The following LRRC47 variants were observed in gnomAD, a reference collection of about 807,000 sequenced individuals.
The protein encoded by LRRC47 is leucine-rich repeat-containing protein 47.
LRRC47 carries 31 observed loss-of-function variants against 40.9 expected under a neutral mutation model. That is an observed-to-expected ratio of 0.76 (90% confidence interval 0.57 to 1.02). The LOEUF (loss-of-function observed/expected upper bound fraction) is 1.02, where lower values mean the gene tolerates loss of function less well. Ranked by LOEUF, LRRC47 falls within the 50% of genes least tolerant of loss-of-function variation. The probability of loss-of-function intolerance (pLI) is 0.00; values close to 1 mark genes in which losing one functional copy is unlikely to be tolerated. For synonymous variants in LRRC47, 427 were observed against 371.9 expected, an observed-to-expected ratio of 1.15 and a Z score of -1.70; for missense variants, 726 against 796.1, an observed-to-expected ratio of 0.91 and a Z score of 1.06.
chr1:3,789,991 A>G (rs1175421572), intron 1 of LRRC47, among the ~76,000 whole-genome samples: 1 of 152,214 alleles, frequency 6.6e-6, no homozygotes, highest in East Asian at 1.9e-4. Context: ...GATGAGTTAC[A>G]CAGGGGGTGG....
At position 3,796,130 on chromosome 1, in the gene LRRC47, G is replaced by A. The variant is rs772391933; in HGVS notation, c.347C>T (p.Pro116Leu). The A allele has an allele frequency of 2.1e-6, 3 of 1,432,098 alleles. No homozygotes were observed. The highest frequency in any genetic ancestry group is 2.9e-5 in the Admixed American group (1 of 33,934). The allele number at this position is 1,432,098 out of a possible 1,614,324, so 88.7% of individuals were successfully genotyped here. The change falls in exon 1 of 7, where the codon CCG (proline) becomes CTG (leucine). Residue 116 changes from proline (P) to leucine (L), a missense_variant. Coordinates refer to ENST00000378251, the MANE Select transcript of LRRC47 (RefSeq NM_020710.3). ...CTCGGCGGGGCCCAGGCCTTGGCCC[G>A]GCGGCAGCGCCTCCAGCGCGTTGCC... ...LSGNALEALP[P>L]GQGLGPAEPP...
At chr1:3,782,903 G>A in intron 4 of LRRC47, 140 bp from the exon 5 acceptor site, 1 of 653,480 alleles carries the variant, frequency 1.5e-6, no homozygotes, top group South Asian at 1.7e-5. Flanking sequence ...GCTGGGGTGT[G>A]CTGTGCCAAT....
rs1643494012 is a variant in LRRC47 at position 3,779,071 on chromosome 1, A to G, written c.*2017T>C. ...TCATCTGACACACCCACGGCAGTCC[A>G]GCTGGCACTGAGTGTGTGGGCCTCG... On this transcript the variant is annotated 3_prime_UTR_variant, in exon 7 of 7. Coordinates refer to ENST00000378251, the MANE Select transcript of LRRC47 (RefSeq NM_020710.3). The G allele has an allele frequency of 6.6e-6, 1 of 152,374 alleles. No homozygotes were observed. Among genetic ancestry groups the G allele is most frequent in the South Asian group, 2.1e-4 (1 of 4,832 alleles). The allele number at this position is 152,374 out of a possible 1,614,324, so 9.4% of individuals were successfully genotyped here.
At position 3,778,868 on chromosome 1, in the gene LRRC47, CCT is replaced by C. The variant is rs1643492274; in HGVS notation, c.*2218_*2219del. ...CCTCTGCCATGGCAGCCCCAAATCA[CCT>C]CTCAGAGCAACTGTCTGGGGTCCCC... On this transcript the variant is annotated 3_prime_UTR_variant, in exon 7 of 7. Transcript: ENST00000378251. The C allele has an allele frequency of 6.6e-6, 1 of 152,284 alleles. No homozygotes were observed. The highest frequency in any genetic ancestry group is 1.5e-5 in the Non-Finnish European group (1 of 68,072). 9.4% of individuals were successfully genotyped at this position (152,284 alleles called of 1,614,324 possible).
rs903273718 is a variant in LRRC47, at chr1:3,792,459, GCA to G, written c.615+3401_615+3402del. ...AGGCAGGTGCTACAGAGAGCTGGACGCACACTTTTTTTTTTTTTTGAGACGCA... is the reference window on the plus strand; with the variant it reads ...AGGCAGGTGCTACAGAGAGCTGGACGCACTTTTTTTTTTTTTTGAGACGCA... On this transcript the variant is annotated intron_variant, in intron 1 of 6. Coordinates refer to ENST00000378251, the MANE Select transcript of LRRC47 (RefSeq NM_020710.3). 3.0e-4 allele frequency among the ~76,000 whole-genome samples: 34 copies of G among 114,272 alleles called. 1 individual carries two copies. The East Asian group carries it at 6.3e-3, about 21-fold the overall frequency. 75.0% of individuals were successfully genotyped at this position (114,272 alleles called of 152,430 possible). A position where few individuals can be genotyped will look rare whatever the true frequency, so the allele number is the denominator to read the frequency against.
chr1:3,794,176 C>T (rs1370554974), intron 1 of LRRC47, among the ~76,000 whole-genome samples: 10 of 152,064 alleles, frequency 6.6e-5, no homozygotes, highest in Admixed American at 6.5e-4. Flanking sequence ...GCCTGGGAGA[C>T]AGAGCGAGAC....
At chr1:3,787,830 C>T (rs980987892) in intron 1 of LRRC47, among the ~76,000 whole-genome samples, 7 of 152,090 alleles carry the variant, frequency 4.6e-5, no homozygotes, top group South Asian at 2.1e-4. Context: ...CAAAGTTGCC[C>T]GCAGTGACAC....
In LRRC47 at chr1:3,780,895, G is replaced by C. The variant is rs1302118209; in HGVS notation, c.*193C>G. On this transcript the variant is annotated 3_prime_UTR_variant, in exon 7 of 7. Coordinates refer to ENST00000378251, the MANE Select transcript of LRRC47 (RefSeq NM_020710.3). Reference sequence around the variant, plus strand: ...GGAGGCTGAGGCAGGAGAATCGCTTGAACCCAGGAGACACAGGCTGCAGTG... The same window carrying C: ...GGAGGCTGAGGCAGGAGAATCGCTTCAACCCAGGAGACACAGGCTGCAGTG... The C allele has an allele frequency of 2.6e-6, 2 of 771,962 alleles. No individual in the cohort carries two copies. Among genetic ancestry groups the C allele is most frequent in the Non-Finnish European group, 4.0e-6 (2 of 498,116 alleles). 47.8% of individuals were successfully genotyped at this position (771,962 alleles called of 1,614,324 possible).
intron 1 of LRRC47, among the ~76,000 whole-genome samples, chr1:3,795,033 G>A (rs1453755569): frequency 7.9e-6 from 1 of 126,598 alleles, no homozygotes; most frequent in Admixed American, 9.3e-5. Context: ...CAGCCTGGGT[G>A]ACAGGACCAG....
intron 1 of LRRC47, among the ~76,000 whole-genome samples, 153 bp downstream of exon 1, chr1:3,795,708 GC>G (rs1354578291): frequency 6.6e-6 from 1 of 152,208 alleles, no homozygotes; most frequent in African/African-American, 2.4e-5. Context: ...CAGGGGTGAT[GC>G]CCCCCGCAGC....
Position 3,796,381 on chromosome 1 carries a change from C to A in LRRC47, c.96G>T (p.Glu32Asp). 2 of 1,514,522 alleles carry A rather than the reference C, an allele frequency of 1.3e-6. No homozygotes were observed. Among genetic ancestry groups the A allele is most frequent in the Non-Finnish European group, 1.8e-6 (2 of 1,139,068 alleles). 93.8% of individuals were successfully genotyped at this position (1,514,522 alleles called of 1,614,324 possible). The change falls in exon 1 of 7, where the codon GAG (glutamate) becomes GAT (aspartate). Residue 32 changes from glutamate (E) to aspartate (D), a missense_variant. Transcript: ENST00000378251. ...RELLLTGPGL[E>D]ERVRAAGGQL... ...GCCCACCCGCCGCCCGCACTCGCTC[C>A]TCCAGCCCGGGCCCCGTCAGCAGCA...
chr1:3,790,989 G>T (rs1643621714), intron 1 of LRRC47, among the ~76,000 whole-genome samples: 1 of 152,228 alleles, frequency 6.6e-6, no homozygotes, highest in South Asian at 2.1e-4. Flanking sequence ...GCAGGAAAGT[G>T]GCAGGAAGCA....
chr1:3,782,271 G>A (rs1342790922), intron 5 of LRRC47, among the ~76,000 whole-genome samples: 1 of 151,590 alleles, frequency 6.6e-6, no homozygotes, highest in East Asian at 1.9e-4. Context: ...AGGCTGGAGT[G>A]GAATGGCGCG....
chr1:3,782,043 A>G (rs1643525268), intron 5 of LRRC47, among the ~76,000 whole-genome samples: 1 of 152,186 alleles, frequency 6.6e-6, no homozygotes, highest in South Asian at 2.1e-4. Flanking sequence ...GGAAGACTGC[A>G]GTGCTGCACA....
In LRRC47 at chr1:3,796,272, C is replaced by G; in HGVS notation, c.205G>C (p.Gly69Arg). The change falls in exon 1 of 7, where the codon GGC becomes CGC. Residue 69 changes from glycine to arginine, a missense_variant. Transcript: ENST00000378251. ...AGCTGCGGCAGGCCCTGCGCCAGGC[C>G]AGGCCCCGGCGCGCGCAAGCTCCCG... ...GCGSLRAPGPGLAQGLPQLHS... is the reference protein window; with the variant it reads ...GCGSLRAPGPRLAQGLPQLHS... 6.8e-7 allele frequency: 1 copy of G among 1,476,762 alleles called. No individual in the cohort carries two copies. The highest frequency in any genetic ancestry group is 8.9e-7 in the Non-Finnish European group (1 of 1,122,316). The allele number at this position is 1,476,762 out of a possible 1,614,324, so 91.5% of individuals were successfully genotyped here. A position where few individuals can be genotyped will look rare whatever the true frequency, so the allele number is the denominator to read the frequency against.
chr1:3,788,197 C>T (rs774357416), intron 1 of LRRC47, among the ~76,000 whole-genome samples: 1 of 152,234 alleles, frequency 6.6e-6, no homozygotes, highest in African/African-American at 2.4e-5. Flanking sequence ...GGGGCCCATC[C>T]GCCTCCACTC....
chr1:3,786,679 A>G (rs916420689), intron 2 of LRRC47, among the ~76,000 whole-genome samples, 170 bp downstream of exon 2: 1 of 152,162 alleles, frequency 6.6e-6, no homozygotes, highest in Non-Finnish European at 1.5e-5. Flanking sequence ...CCTGAGCCAG[A>G]ACCTGCTCTA....
chr1:3,795,701 G>C (rs1643666785), intron 1 of LRRC47, among the ~76,000 whole-genome samples, 161 bp downstream of exon 1: 1 of 152,248 alleles, frequency 6.6e-6, no homozygotes, highest in South Asian at 2.1e-4. Flanking sequence ...TGCTTCCCAG[G>C]GGTGATGCCC....
chr1:3,787,242 C>T lies in LRRC47; in HGVS notation c.684G>A (p.Lys228=). The T allele has an allele frequency of 6.2e-7, 1 of 1,613,686 alleles. No homozygotes were observed. The change falls in exon 2 of 7, where the codon AAG becomes AAA. Residue 228 remains lysine (K), a synonymous_variant. Coordinates refer to ENST00000378251, the MANE Select transcript of LRRC47 (RefSeq NM_020710.3). ...PAELADCPKL[K]EINFRGNKLR... The stretch of plus-strand genomic sequence containing the variant: ...GCTTGTTCCCACGGAAATTGATCTC[C>T]TTGAGCTTGGGGCAGTCCGCAAGCT...
Sources: gnomAD v4.1 joint callset for allele counts (sites outside exome capture counted in the v4.1 genomes callset) on GRCh38, gnomAD v4.1.1 for gene constraint, MANE v1.5 for transcripts, NCBI Gene and HGNC (gene_info 2026-07-23, HGNC 2026-07-21) for gene names.